Variants in GTF2I observed in about 807,000 individuals in gnomAD.
The protein encoded by GTF2I is general transcription factor II-I.
Under a neutral mutation model 67.6 loss-of-function variants are expected in GTF2I, and 12 were observed. The observed-to-expected ratio is 0.18, with a 90% confidence interval of 0.11 to 0.29. The LOEUF (loss-of-function observed/expected upper bound fraction) is 0.29, where lower values mean the gene tolerates loss of function less well. GTF2I is among the 10% of genes least tolerant of loss of function. The pLI is 1.00. For missense variants in GTF2I, 271 were observed against 580.1 expected (o/e 0.47, Z 5.47); for synonymous variants, 149 against 197.0 (o/e 0.76, Z 2.04).
At chr7:74,676,257 C>T (rs1562941433) in intron 1 of GTF2I, among the ~76,000 whole-genome samples, 3 of 152,002 alleles carry the variant, frequency 2.0e-5, no homozygotes, top group East Asian at 1.9e-4. Flanking sequence ...TGCTGTCATT[C>T]GAAAGACAAA....
At chr7:74,710,287 TCA>T (rs587768211) in intron 8 of GTF2I, among the ~76,000 whole-genome samples, 39 of 152,316 alleles carry the variant, frequency 2.6e-4, no homozygotes, top group African/African-American at 9.1e-4. Flanking sequence ...GTTGAATATC[TCA>T]GTCTGAAATG....
intron 6 of GTF2I, among the ~76,000 whole-genome samples, chr7:74,703,763 A>C (rs1254184283): frequency 2.0e-5 from 3 of 152,242 alleles, no homozygotes; most frequent in Non-Finnish European, 4.4e-5. Flanking sequence ...GTTTTCTTCC[A>C]CAAGTCTTAT....
At chr7:74,710,238 G>A (rs782337499) in intron 8 of GTF2I, among the ~76,000 whole-genome samples, 5 of 152,184 alleles carry the variant, frequency 3.3e-5, no homozygotes, top group Non-Finnish European at 4.4e-5. Flanking sequence ...CCAAGTCAGA[G>A]CTCACGATTT....
At chr7:74,688,902 G>T in intron 1 of GTF2I, 1 of 468,768 alleles carries the variant, frequency 2.1e-6, no homozygotes, top group Non-Finnish European at 3.8e-6. Flanking sequence ...GTGTGATATT[G>T]ACCCAATTTT....
At chr7:74,679,170 C>T (rs1786982988) in intron 1 of GTF2I, among the ~76,000 whole-genome samples, 1 of 151,932 alleles carries the variant, frequency 6.6e-6, no homozygotes. Flanking sequence ...CCTCCGCCTC[C>T]CGGGTTCAAG....
In GTF2I at chr7:74,713,494, C is replaced by T. The variant is rs587696827; in HGVS notation, c.764-1363C>T. 4.6e-5 allele frequency among the ~76,000 whole-genome samples: 7 copies of T among 152,134 alleles called. No homozygotes were observed. In the South Asian group the frequency reaches 6.2e-4, roughly 14 times the overall value. ...AGCTAACTATAGAAAACTGTGTACC[C>T]AAGAAATAAGTTTATTTACAAAGCA... On this transcript the variant is annotated intron_variant, in intron 9 of 34. Coordinates refer to ENST00000573035, the MANE Select transcript of GTF2I (RefSeq NM_032999.4).
At chr7:74,676,874 G>A (rs1475668155) in intron 1 of GTF2I, among the ~76,000 whole-genome samples, 1 of 151,968 alleles carries the variant, frequency 6.6e-6, no homozygotes, top group African/African-American at 2.4e-5. Context: ...TGGCCAACAT[G>A]GGGAAACCCT....
intron 3 of GTF2I, among the ~76,000 whole-genome samples, chr7:74,692,846 T>G (rs587690489): frequency 6.6e-6 from 1 of 151,698 alleles, no homozygotes; most frequent in South Asian, 2.1e-4. Context: ...CACCGCAACC[T>G]CTGCCTCTTG....
chr7:74,714,768 T>C (rs1792045264), intron 9 of GTF2I, 89 bp from the exon 10 acceptor site: 1 of 706,840 alleles, frequency 1.4e-6, no homozygotes, highest in East Asian at 2.8e-5. Context: ...GGCCATTCCA[T>C]GTATCTCACC....
At chr7:74,685,124 G>A (rs587682958) in intron 1 of GTF2I, among the ~76,000 whole-genome samples, 1 of 152,344 alleles carries the variant, frequency 6.6e-6, no homozygotes, top group South Asian at 2.1e-4. Context: ...CTGACTTGAA[G>A]TTACAAAGGT....
At chr7:74,707,599 A>G (rs1790912261) in intron 8 of GTF2I, among the ~76,000 whole-genome samples, 1 of 152,172 alleles carries the variant, frequency 6.6e-6, no homozygotes, top group Admixed American at 6.5e-5. Flanking sequence ...TTTTTTGGAA[A>G]AGGTATTTGA....
intron 3 of GTF2I, among the ~76,000 whole-genome samples, chr7:74,691,378 G>C (rs1332861443): frequency 6.6e-6 from 1 of 151,936 alleles, no homozygotes; most frequent in Non-Finnish European, 1.5e-5. Flanking sequence ...GGCTAATTTT[G>C]TATTTTTAGT....
chr7:74,678,723 T>G (rs1786925633), intron 1 of GTF2I, among the ~76,000 whole-genome samples: 3 of 152,130 alleles, frequency 2.0e-5, no homozygotes, highest in Non-Finnish European at 1.5e-5. Flanking sequence ...AAGCAGTGTT[T>G]TGTGACATAA....
At chr7:74,659,903 G>A (rs1019846449) in intron 1 of GTF2I, among the ~76,000 whole-genome samples, 42 of 152,262 alleles carry the variant, frequency 2.8e-4, no homozygotes, top group Non-Finnish European at 5.1e-4. Flanking sequence ...CAGTGCAGAG[G>A]AGAAGTCTCC....
At position 74,689,170 on chromosome 7, in the gene GTF2I, G is replaced by A; in HGVS notation, c.42G>A (p.Glu14=). Reference sequence around the variant, plus strand: ...TGTCCACCCTCCCCGTTGAAGATGAGGAGTCCTCGGAGAGCAGGATGGTGG... The same window carrying A: ...TGTCCACCCTCCCCGTTGAAGATGAAGAGTCCTCGGAGAGCAGGATGGTGG... ...VAMSTLPVED[E]ESSESRMVVT... Residue 14 remains glutamate (E), a synonymous_variant, in exon 2 of 35, where the codon GAG becomes GAA. Transcript: ENST00000573035. 1 of 1,612,990 alleles carries A rather than the reference G, an allele frequency of 6.2e-7. No homozygotes were observed. The highest frequency in any genetic ancestry group is 1.3e-5 in the African/African-American group (1 of 74,954).
intron 1 of GTF2I, among the ~76,000 whole-genome samples, chr7:74,661,662 A>G (rs1312687936): frequency 6.8e-6 from 1 of 146,444 alleles, no homozygotes; most frequent in East Asian, 2.1e-4. Context: ...CCTGGGCGAC[A>G]GAGCGAGACT....
At chr7:74,683,023 A>G (rs1215365246) in intron 1 of GTF2I, among the ~76,000 whole-genome samples, 1 of 57,766 alleles carries the variant, frequency 1.7e-5, no homozygotes, top group Non-Finnish European at 3.3e-5. Context: ...AAGAAGCTAA[A>G]AGGATAAAGT....
At chr7:74,666,954 T>C (rs1228807937) in intron 1 of GTF2I, among the ~76,000 whole-genome samples, 1 of 152,060 alleles carries the variant, frequency 6.6e-6, no homozygotes, top group Admixed American at 6.6e-5. Context: ...CACTCCAGCC[T>C]GGGTGACAGT....
In GTF2I at chr7:74,698,484, A is replaced by G. The variant is rs587703760; in HGVS notation, c.239-477A>G. ...GCTGTGGTATGTTCTCGGCCCCATCATAGCTCACTGCAGCCTTAAACTTCT... is the reference window on the plus strand; with the variant it reads ...GCTGTGGTATGTTCTCGGCCCCATCGTAGCTCACTGCAGCCTTAAACTTCT... On this transcript the variant is annotated intron_variant, in intron 3 of 34. Transcript: ENST00000573035. 3.4e-5 allele frequency among the ~76,000 whole-genome samples: 5 copies of G among 146,676 alleles called. No individual in the cohort carries two copies. In the South Asian group the frequency reaches 1.1e-3, roughly 31 times the overall value.
Sources: gnomAD v4.1 joint callset for allele counts (sites outside exome capture counted in the v4.1 genomes callset) on GRCh38, gnomAD v4.1.1 for gene constraint, MANE v1.5 for transcripts, NCBI Gene and HGNC (gene_info 2026-07-23, HGNC 2026-07-21) for gene names.